The following LRFN5 variants were observed in gnomAD, a reference collection of about 807,000 sequenced individuals.
LRFN5 encodes leucine rich repeat and fibronectin type III domain containing 5, also known as leucine-rich repeat and fibronectin type-III domain-containing protein 5.
In LRFN5, 24 loss-of-function variants were observed where a neutral mutation model predicts 45.6. That is an observed-to-expected ratio of 0.53 (90% confidence interval 0.38 to 0.74). The LOEUF (loss-of-function observed/expected upper bound fraction) is 0.74. LRFN5 is among the 30% of genes least tolerant of loss of function. LRFN5 has a pLI of 0.00. For synonymous variants in LRFN5, 340 were observed against 313.8 expected (o/e 1.08, Z -0.88); for missense variants, 776 against 861.5 (o/e 0.90, Z 1.24).
chr14:41,698,505 C>T (rs747537747), intron 1 of LRFN5, among the ~76,000 whole-genome samples: 1 of 151,856 alleles, frequency 6.6e-6, no homozygotes, highest in Non-Finnish European at 1.5e-5. Context: ...TGGGCCATAC[C>T]CTAGACTAAA....
chr14:41,867,859 T>C (rs1214501172), intron 2 of LRFN5, among the ~76,000 whole-genome samples: 2 of 152,086 alleles, frequency 1.3e-5, no homozygotes, highest in Non-Finnish European at 2.9e-5. Context: ...GAATATTTTT[T>C]TCATTTCTTC....
chr14:41,755,896 G>C (rs1021282315), intron 1 of LRFN5, among the ~76,000 whole-genome samples: 4 of 152,146 alleles, frequency 2.6e-5, no homozygotes, highest in Admixed American at 2.0e-4. Flanking sequence ...TTTTGCAGTG[G>C]CTGGTACCGG....
intron 2 of LRFN5, among the ~76,000 whole-genome samples, chr14:41,831,757 T>C (rs1888490056): frequency 6.6e-6 from 1 of 152,234 alleles, no homozygotes; most frequent in Non-Finnish European, 1.5e-5. Flanking sequence ...TCTTACCTTA[T>C]ATATTCCATT....
At chr14:41,869,440 T>TTTAA (rs1555328132) in intron 2 of LRFN5, among the ~76,000 whole-genome samples, 5 of 151,300 alleles carry the variant, frequency 3.3e-5, no homozygotes, top group African/African-American at 1.2e-4. Context: ...TTTTTTTTTT[T>TTTAA]AAAAAAAGGT....
chr14:41,803,956 C>G (rs1406177694), intron 2 of LRFN5, among the ~76,000 whole-genome samples: 2 of 152,132 alleles, frequency 1.3e-5, no homozygotes, highest in African/African-American at 4.8e-5. Context: ...CTCTGCCTCC[C>G]AGGTTCAGGT....
At chr14:41,660,749 T>C (rs1432476544) in intron 1 of LRFN5, among the ~76,000 whole-genome samples, 1 of 151,800 alleles carries the variant, frequency 6.6e-6, no homozygotes, top group African/African-American at 2.4e-5. Context: ...AACTACAGTA[T>C]TAATCAGAAT....
chr14:41,728,774 T>C (rs1884044324), intron 1 of LRFN5, among the ~76,000 whole-genome samples: 1 of 152,178 alleles, frequency 6.6e-6, no homozygotes, highest in Non-Finnish European at 1.5e-5. Context: ...CTTAACTCAG[T>C]TGAGTGTCTG....
chr14:41,886,968 A>G lies in LRFN5; in HGVS notation c.343A>G (p.Thr115Ala). Residue 115 changes from threonine (T) to alanine (A), a missense_variant, in exon 3 of 6, where the codon ACA (threonine) becomes GCA (alanine). This residue lies in a region of LRFN5 where 311 missense variants were observed against 405.1 expected (regional missense o/e 0.77). Transcript: ENST00000298119. The stretch of plus-strand genomic sequence containing the variant: ...GAATAGCAACAGATTGACTAAAATT[A>G]CAAATGATATGTTCAGTGGTCTTTC... ...HLNSNRLTKI[T>A]NDMFSGLSNL... is the part of the protein sequence containing the mutation. 1 of 1,614,216 alleles carries G rather than the reference A, an allele frequency of 6.2e-7. No individual in the cohort carries two copies. Among genetic ancestry groups the G allele is most frequent in the Non-Finnish European group, 8.5e-7 (1 of 1,180,034 alleles).
At chr14:41,830,496 G>C (rs1888441485) in intron 2 of LRFN5, among the ~76,000 whole-genome samples, 1 of 152,096 alleles carries the variant, frequency 6.6e-6, no homozygotes, top group Non-Finnish European at 1.5e-5. Flanking sequence ...TTTATCTTTA[G>C]AGTACCTCAT....
chr14:41,807,716 T>C (rs1887571382), intron 2 of LRFN5, among the ~76,000 whole-genome samples: 1 of 152,108 alleles, frequency 6.6e-6, no homozygotes, highest in Non-Finnish European at 1.5e-5. Context: ...CAGCATGTGA[T>C]GAAAAGAAAG....
chr14:41,644,288 T>C (rs1469324636), intron 1 of LRFN5, among the ~76,000 whole-genome samples: 3 of 152,162 alleles, frequency 2.0e-5, no homozygotes, highest in Non-Finnish European at 2.9e-5. Context: ...ACAACATGCA[T>C]GTAGGCAGAT....
intron 2 of LRFN5, among the ~76,000 whole-genome samples, chr14:41,799,008 T>C (rs1326769649): frequency 6.6e-6 from 1 of 152,000 alleles, no homozygotes; most frequent in Non-Finnish European, 1.5e-5. Context: ...TGTATTACTC[T>C]TTTTTTCTGT....
chr14:41,701,149 T>C (rs529382934), intron 1 of LRFN5: 1 of 152,280 alleles, frequency 6.6e-6, no homozygotes, highest in Non-Finnish European at 1.5e-5. Context: ...AAATTTAGAA[T>C]ATGTTGATCA....
intron 1 of LRFN5, among the ~76,000 whole-genome samples, chr14:41,694,291 A>C (rs1383696869): frequency 6.6e-6 from 1 of 151,898 alleles, no homozygotes; most frequent in Non-Finnish European, 1.5e-5. Flanking sequence ...TATTCCTTCT[A>C]TCTAGCTGAA....
intron 2 of LRFN5, among the ~76,000 whole-genome samples, chr14:41,861,369 CCTACTA>C (rs1889652991): frequency 6.6e-6 from 1 of 152,136 alleles, no homozygotes; most frequent in South Asian, 2.1e-4. Context: ...CATTTCCTTC[CCTACTA>C]CTTGTTTATA....
At chr14:41,825,566 ATTAT>A (rs1888265576) in intron 2 of LRFN5, among the ~76,000 whole-genome samples, 1 of 152,210 alleles carries the variant, frequency 6.6e-6, no homozygotes, top group South Asian at 2.1e-4. Context: ...ACTACCAGTA[ATTAT>A]GCAGCTCCCT....
chr14:41,787,521 T>C (rs1886768396), intron 2 of LRFN5, among the ~76,000 whole-genome samples: 2 of 151,742 alleles, frequency 1.3e-5, no homozygotes, highest in Non-Finnish European at 1.5e-5. Context: ...CTTTTTTTTT[T>C]CTAGTGGCTT....
intron 2 of LRFN5, among the ~76,000 whole-genome samples, chr14:41,869,603 A>G (rs1889951463): frequency 6.6e-6 from 1 of 152,028 alleles, no homozygotes; most frequent in Admixed American, 6.6e-5. Context: ...TGTACCCAAG[A>G]CTGGATAATT....
intron 1 of LRFN5, among the ~76,000 whole-genome samples, chr14:41,740,520 C>T (rs1884646219): frequency 6.6e-6 from 1 of 151,786 alleles, no homozygotes; most frequent in African/African-American, 2.4e-5. Flanking sequence ...ATGATAAAAG[C>T]TCTCAACAAA....
Sources: allele counts gnomAD v4.1 joint callset (sites outside exome capture counted in the v4.1 genomes callset), GRCh38; gene constraint gnomAD v4.1.1; regional missense constraint gnomAD v4.1.1; transcripts MANE v1.5; gene names NCBI Gene and HGNC (gene_info 2026-07-23, HGNC 2026-07-21).